GPC5: variants seen among roughly 807,000 people sequenced by gnomAD.
GPC5 encodes the protein glypican 5, also known as glypican-5.
In GPC5, 47 loss-of-function variants were observed where a neutral mutation model predicts 53.9. That is an observed-to-expected ratio of 0.87 (90% CI 0.69 to 1.11). The LOEUF is 1.11. Ranked by LOEUF, GPC5 falls within the 50% of genes most tolerant of loss-of-function variation. GPC5 has a pLI of 0.00. For missense variants in GPC5, 748 were observed against 713.1 expected, an observed-to-expected ratio of 1.05 and a Z score of -0.56; for synonymous variants, 286 against 263.3, an observed-to-expected ratio of 1.09 and a Z score of -0.84.
At chr13:91,722,666 T>A (rs529968769) in intron 3 of GPC5, among the ~76,000 whole-genome samples, 4,998 of 152,236 alleles carry the variant, frequency 0.033, 281 homozygotes, top group African/African-American at 0.11. Context: ...TGAGTTAGAA[T>A]GGGAAAATTT....
intron 7 of GPC5, among the ~76,000 whole-genome samples, chr13:92,238,943 G>T (rs1425100879): frequency 4.0e-5 from 6 of 150,560 alleles, no homozygotes; most frequent in Non-Finnish European, 8.9e-5. Context: ...TGTGAGGTAG[G>T]GCTCCAGTTT....
chr13:92,242,231 T>TAAA (rs2042618120), intron 7 of GPC5, among the ~76,000 whole-genome samples: 1 of 115,764 alleles, frequency 8.6e-6, no homozygotes, highest in African/African-American at 4.1e-5. Context: ...AGACTCTGTC[T>TAAA]CAAAAAAAAA....
chr13:92,388,219 TG>T (rs1219333229), intron 7 of GPC5, among the ~76,000 whole-genome samples: 1 of 152,238 alleles, frequency 6.6e-6, no homozygotes, highest in East Asian at 1.9e-4. Flanking sequence ...GCTAATATCT[TG>T]CTTGCATTAG....
At chr13:92,498,829 G>C (rs991725636) in intron 7 of GPC5, among the ~76,000 whole-genome samples, 1 of 152,086 alleles carries the variant, frequency 6.6e-6, no homozygotes, top group African/African-American at 2.4e-5. Context: ...GCAAATTCTC[G>C]TTCGCATATT....
intron 7 of GPC5, among the ~76,000 whole-genome samples, chr13:92,667,977 A>G (rs1420105605): frequency 2.6e-5 from 4 of 152,148 alleles, no homozygotes; most frequent in Admixed American, 2.0e-4. Context: ...TAGACACACT[A>G]AAGAGGTATT....
At chr13:91,903,137 G>C (rs1342756719) in intron 5 of GPC5, among the ~76,000 whole-genome samples, 1 of 151,804 alleles carries the variant, frequency 6.6e-6, no homozygotes, top group Non-Finnish European at 1.5e-5. Context: ...CTCTTGTGGT[G>C]ATTTGGAACA....
chr13:92,807,388 A>G (rs1168476795), intron 7 of GPC5, among the ~76,000 whole-genome samples: 1 of 152,108 alleles, frequency 6.6e-6, no homozygotes, highest in Non-Finnish European at 1.5e-5. Flanking sequence ...ATGGAGAAGA[A>G]TGAATACTTT....
intron 7 of GPC5, among the ~76,000 whole-genome samples, chr13:92,145,561 A>G (rs2041861210): frequency 6.6e-6 from 1 of 152,122 alleles, no homozygotes; most frequent in African/African-American, 2.4e-5. Flanking sequence ...ACCACAAAGG[A>G]TAGAATTTTC....
intron 5 of GPC5, among the ~76,000 whole-genome samples, chr13:91,803,970 G>A (rs2038178766): frequency 6.6e-6 from 1 of 152,072 alleles, no homozygotes; most frequent in Non-Finnish European, 1.5e-5. Context: ...ACAACAAGGG[G>A]ACAGAGACAG....
chr13:92,440,426 C>T lies in GPC5; in HGVS notation c.1561+295437C>T, dbSNP rs370131259. Among the ~76,000 whole-genome samples the T allele has an allele frequency of 2.4e-4, 37 of 152,126 alleles. No individual in the cohort carries two copies. In the South Asian group the frequency reaches 6.2e-3, roughly 26 times the overall value. ...AGCTGCATCTATGTTGCTGCAAAGG[C>T]GTGATTTTCTTCTTTGTGTGGCTGC... On this transcript the variant is annotated intron_variant, in intron 7 of 7. Transcript: ENST00000377067.
intron 7 of GPC5, among the ~76,000 whole-genome samples, chr13:92,277,994 A>G (rs1326968999): frequency 6.6e-6 from 1 of 151,950 alleles, no homozygotes; most frequent in African/African-American, 2.4e-5. Context: ...TCAATAAACA[A>G]TAATGAAAAG....
chr13:92,545,522 T>G (rs1594292868), intron 7 of GPC5, among the ~76,000 whole-genome samples: 1 of 152,182 alleles, frequency 6.6e-6, no homozygotes, highest in East Asian at 1.9e-4. Flanking sequence ...TTGAACTAGT[T>G]TATAGTCCCA....
intron 7 of GPC5, among the ~76,000 whole-genome samples, chr13:92,607,011 GA>G (rs1202046300): frequency 6.6e-6 from 1 of 151,968 alleles, no homozygotes; most frequent in African/African-American, 2.4e-5. Flanking sequence ...AATCTTAAGG[GA>G]AAATATATTT....
At position 91,629,855 on chromosome 13, in the gene GPC5, A is replaced by G. The variant is rs192592887; in HGVS notation, c.326-63332A>G. Among the ~76,000 whole-genome samples, 5 of 152,264 alleles carry G rather than the reference A, an allele frequency of 3.3e-5. No homozygotes were observed. In the East Asian group the frequency reaches 9.7e-4, roughly 30 times the overall value. Reference sequence around the variant, plus strand: ...AATGACTTTAAACACTGTAATATGTATTCAAGAAAATCCTGTGCAGTGAAC... The same window carrying G: ...AATGACTTTAAACACTGTAATATGTGTTCAAGAAAATCCTGTGCAGTGAAC... On this transcript the variant is annotated intron_variant, in intron 2 of 7. Transcript: ENST00000377067.
intron 7 of GPC5, among the ~76,000 whole-genome samples, chr13:92,470,666 G>A (rs930328300): frequency 6.6e-6 from 1 of 152,106 alleles, no homozygotes; most frequent in Non-Finnish European, 1.5e-5. Flanking sequence ...CTTTCTCATT[G>A]CAATCATTTC....
At chr13:92,605,851 A>G (rs1290222863) in intron 7 of GPC5, among the ~76,000 whole-genome samples, 2 of 151,970 alleles carry the variant, frequency 1.3e-5, no homozygotes, top group Admixed American at 6.6e-5. Flanking sequence ...ATAGGACTGG[A>G]AAAAAAAGAA....
chr13:92,251,347 GT>G (rs2042691351), intron 7 of GPC5, among the ~76,000 whole-genome samples: 1 of 152,106 alleles, frequency 6.6e-6, no homozygotes, highest in South Asian at 2.1e-4. Context: ...AAAATTACCA[GT>G]GTAAGGTGGC....
At chr13:91,907,525 A>T in intron 5 of GPC5, among the ~76,000 whole-genome samples, 1 of 133,658 alleles carries the variant, frequency 7.5e-6, no homozygotes, top group African/African-American at 2.8e-5. Flanking sequence ...ATATATATAT[A>T]GTATATATGT....
At chr13:92,677,901 T>C (rs2139218017) in intron 7 of GPC5, among the ~76,000 whole-genome samples, 1 of 152,260 alleles carries the variant, frequency 6.6e-6, no homozygotes, top group Admixed American at 6.5e-5. Flanking sequence ...CATAGGGTTG[T>C]CATATTTGAA....
Sources: gnomAD v4.1 joint callset for allele counts (sites outside exome capture counted in the v4.1 genomes callset) on GRCh38, gnomAD v4.1.1 for gene constraint, MANE v1.5 for transcripts, NCBI Gene and HGNC (gene_info 2026-07-23, HGNC 2026-07-21) for gene names.